Variants in ZFP28 observed in about 807,000 individuals in gnomAD.
The protein encoded by ZFP28 is ZFP28 zinc finger protein.
Under a neutral mutation model 39.5 loss-of-function variants are expected in ZFP28, and 31 were observed. The observed-to-expected ratio is 0.79, with a 90% CI of 0.59 to 1.06. ZFP28 has a LOEUF of 1.06. Ranked by LOEUF, ZFP28 falls within the 50% of genes least tolerant of loss-of-function variation. The pLI is 0.00. For synonymous variants in ZFP28, 400 were observed against 378.6 expected, an observed-to-expected ratio of 1.06 and a Z score of -0.66; for missense variants, 925 against 1,048.4, an observed-to-expected ratio of 0.88 and a Z score of 1.63.
At position 56,555,066 on chromosome 19, in the gene ZFP28, G is replaced by C; in HGVS notation, c.2281G>C (p.Val761Leu). 6.2e-7 allele frequency: 1 copy of C among 1,614,208 alleles called. No individual in the cohort carries two copies. Among genetic ancestry groups the C allele is most frequent in the Non-Finnish European group, 8.5e-7 (1 of 1,180,044 alleles). ...HTGEKPYECSVCGKAFSHRQS... is the reference protein window; with the variant it reads ...HTGEKPYECSLCGKAFSHRQS... ...TGGAGAAAAACCTTATGAATGCAGT[G>C]TGTGTGGCAAAGCCTTTAGTCATCG... Residue 761 changes from valine to leucine, a missense_variant, in exon 8 of 8, where the codon GTG becomes CTG. Val to Leu is a conservative substitution (Grantham distance 32). Coordinates refer to ENST00000301318, the MANE Select transcript of ZFP28 (RefSeq NM_020828.2).
chr19:56,548,629 T>A (rs2044264705), intron 4 of ZFP28, among the ~76,000 whole-genome samples: 1 of 152,204 alleles, frequency 6.6e-6, no homozygotes, highest in African/African-American at 2.4e-5. Context: ...TACATTTAAG[T>A]CTTTGTGAGC....
rs1568486134 is a variant in ZFP28, at chr19:56,549,043, G to C, written c.609G>C (p.Glu203Asp). ...AGCTATCCCAGGCAGTGATAACAGA[G>C]AGACTCACAAGCTATAATCTGGAGT... ...EGKLSQAVITERLTSYNLEYS... is the reference protein window; with the variant it reads ...EGKLSQAVITDRLTSYNLEYS... The change falls in exon 5 of 8, where the codon GAG becomes GAC. Residue 203 changes from glutamate to aspartate, a missense_variant. Transcript: ENST00000301318. 6.2e-7 allele frequency: 1 copy of C among 1,614,150 alleles called. No homozygotes were observed. Among genetic ancestry groups the C allele is most frequent in the Non-Finnish European group, 8.5e-7 (1 of 1,180,018 alleles).
intron 2 of ZFP28, among the ~76,000 whole-genome samples, chr19:56,541,242 C>T (rs1378076475): frequency 2.0e-5 from 3 of 152,244 alleles, no homozygotes; most frequent in Non-Finnish European, 4.4e-5. Context: ...CTCAGTTACT[C>T]AGTCCGGAAG....
intron 1 of ZFP28, 40 bp downstream of exon 1, chr19:56,539,266 G>A (rs2044171700): frequency 1.3e-6 from 2 of 1,545,028 alleles, no homozygotes; most frequent in Non-Finnish European, 8.7e-7. Context: ...GGACAGGGAC[G>A]AATTCATCTC....
rs1193653252 is a variant in ZFP28, at chr19:56,547,791, T to C, written c.428-16T>C. On this transcript the variant is annotated splice_polypyrimidine_tract_variant and intron_variant, in intron 3 of 7. Coordinates refer to ENST00000301318, the MANE Select transcript of ZFP28 (RefSeq NM_020828.2). The surrounding 1 kb of genome is among the most constrained non-coding windows in gnomAD (Gnocchi z 4.6). ...ACAGCCACACAGTATGACCAGGTTG[T>C]TTTTTATGTGTCTAGGACTTTGTGT... 1.2e-6 allele frequency: 2 copies of C among 1,613,712 alleles called. No homozygotes were observed. The highest frequency in any genetic ancestry group is 4.5e-5 in the East Asian group (2 of 44,868).
intron 7 of ZFP28, among the ~76,000 whole-genome samples, chr19:56,553,460 G>A (rs563836920): frequency 9.2e-5 from 14 of 152,182 alleles, no homozygotes; most frequent in African/African-American, 3.1e-4. Context: ...CAAGTGATCC[G>A]CCTCAAGTGA....
chr19:56,541,877 ATTTTTTTTTTTTTTT>A (rs11297964), intron 2 of ZFP28, among the ~76,000 whole-genome samples: 42 of 61,334 alleles, frequency 6.8e-4, no homozygotes, highest in Admixed American at 1.0e-3. Flanking sequence ...CACCTGGCTA[ATTTTTTTTTTTTTTT>A]TTTTTTTTTT....
At chr19:56,551,729 T>G (rs2044305528) in intron 7 of ZFP28, 1 of 983,840 alleles carries the variant, frequency 1.0e-6, no homozygotes, top group South Asian at 4.7e-5. Context: ...TACACTAAAA[T>G]TATTCTTTTT....
chr19:56,545,403 T>C (rs2044232979), intron 2 of ZFP28, among the ~76,000 whole-genome samples: 1 of 152,232 alleles, frequency 6.6e-6, no homozygotes, highest in African/African-American at 2.4e-5. Flanking sequence ...GAACAAGTGA[T>C]TGTATATTAT....
chr19:56,554,865 G>C lies in ZFP28; in HGVS notation c.2080G>C (p.Val694Leu). 6.2e-7 allele frequency: 1 copy of C among 1,613,898 alleles called. No homozygotes were observed. Among genetic ancestry groups the C allele is most frequent in the Non-Finnish European group, 8.5e-7 (1 of 1,179,990 alleles). Residue 694 changes from valine to leucine, a missense_variant, in exon 8 of 8, where the codon GTT becomes CTT. By Grantham distance (32) the Val-to-Leu change is conservative. Coordinates refer to ENST00000301318, the MANE Select transcript of ZFP28 (RefSeq NM_020828.2). The surrounding 1 kb of genome is among the most constrained non-coding windows in gnomAD (Gnocchi z 6.7). ...CACACACCTCATTCAACATCAGAGA[G>C]TTCACACTGGTGAGAAACCCTATAA... is the stretch of plus-strand genomic sequence containing the variant. ...QTTHLIQHQR[V>L]HTGEKPYKCM... is the part of the protein sequence containing the mutation.
intron 5 of ZFP28, 57 bp from the exon 6 acceptor site, chr19:56,550,010 G>A (rs2044281421): frequency 7.0e-7 from 1 of 1,437,440 alleles, no homozygotes; most frequent in African/African-American, 1.4e-5. Flanking sequence ...ATCCCACTGA[G>A]ACCAGGTGAG....
chr19:56,541,258 T>C (rs1159626314), intron 2 of ZFP28, among the ~76,000 whole-genome samples: 3 of 152,234 alleles, frequency 2.0e-5, no homozygotes, highest in Admixed American at 2.0e-4. Flanking sequence ...GGAAGCCTTG[T>C]CATGATTGGC....
chr19:56,550,003 C>G lies in ZFP28; in HGVS notation c.688-64C>G. The G allele has an allele frequency of 2.2e-6, 3 of 1,358,826 alleles. No individual in the cohort carries two copies. The South Asian group carries it at 3.9e-5, about 17-fold the overall frequency. The allele number at this position is 1,358,826 out of a possible 1,614,324, so 84.2% of individuals were successfully genotyped here. The stretch of plus-strand genomic sequence containing the variant: ...TTTTGCAGTGTGGACACAGTCCATC[C>G]CACTGAGACCAGGTGAGTTCACGAA... On this transcript the variant is annotated intron_variant, in intron 5 of 7. Coordinates refer to ENST00000301318, the MANE Select transcript of ZFP28 (RefSeq NM_020828.2).
In ZFP28 at chr19:56,555,244, AAGTCTTC is replaced by A; in HGVS notation, c.2462_2468del (p.Val821GlyfsTer6). On this transcript the variant is annotated frameshift_variant, in exon 8 of 8. Transcript: ENST00000301318. LOFTEE classifies it low-confidence loss of function (END_TRUNC). ...TCTTATAACTATAAGAAAAGCAGAA[AAGTCTTC>A]AGGCAAACTGCTCACTTAGCTCATC... 1.2e-6 allele frequency: 2 copies of A among 1,614,194 alleles called. No homozygotes were observed. The highest frequency in any genetic ancestry group is 1.7e-6 in the Non-Finnish European group (2 of 1,180,044).
chr19:56,538,638 T>A (rs973428808), upstream of ZFP28: 1 of 151,540 alleles, frequency 6.6e-6, no homozygotes, highest in African/African-American at 2.4e-5. Context: ...CAACCTGAGC[T>A]CCGAGGGCCG....
intron 4 of ZFP28, 149 bp downstream of exon 4, chr19:56,548,051 T>A (rs1383679787): frequency 1.2e-5 from 8 of 650,014 alleles, no homozygotes; most frequent in Non-Finnish European, 1.8e-5. Context: ...AAATTTCAAC[T>A]ACAGTATTAT....
intron 2 of ZFP28, among the ~76,000 whole-genome samples, chr19:56,540,988 G>C (rs776499345): frequency 2.6e-5 from 4 of 152,088 alleles, no homozygotes; most frequent in Non-Finnish European, 4.4e-5. Context: ...TCTGCATGCT[G>C]TCTCCTGGGG....
rs771057766 is a variant in ZFP28, at chr19:56,550,538, C to G, written c.831C>G (p.Val277=). The change falls in exon 7 of 8, where the codon GTC becomes GTG. Residue 277 remains valine (V), a synonymous_variant. Transcript: ENST00000301318. ...ATTGTGTGGCTAAGCCAGATTTAGT[C>G]TCTTTACTAGAGCAAGAGAAGGAGC... ...AGHCVAKPDL[V]SLLEQEKEPW... is the part of the protein sequence containing the mutation. The G allele has an allele frequency of 1.2e-6, 2 of 1,614,098 alleles. No individual in the cohort carries two copies. The highest frequency in any genetic ancestry group is 1.7e-6 in the Non-Finnish European group (2 of 1,180,028).
chr19:56,538,845 T>A (rs949723741), upstream of ZFP28: 755 of 74,982 alleles, frequency 0.01, 6 homozygotes, highest in Admixed American at 0.014. Context: ...CGGGGAGGGG[T>A]GGGGAGGGGC....
Sources: gnomAD v4.1 joint callset for allele counts (sites outside exome capture counted in the v4.1 genomes callset) on GRCh38, gnomAD v4.1.1 for gene constraint, Gnocchi (gnomAD v3.1) non-coding constraint, MANE v1.5 for transcripts, NCBI Gene and HGNC (gene_info 2026-07-23, HGNC 2026-07-21) for gene names.